ADAMTS2: variants seen among roughly 807,000 people sequenced by gnomAD.
ADAMTS2 encodes the protein A disintegrin and metalloproteinase with thrombospondin motifs 2.
In ADAMTS2, 50 loss-of-function variants were observed where a neutral mutation model predicts 123.0. The ratio of observed to expected loss-of-function variants is 0.41; its 90% confidence interval spans 0.32 to 0.51. The LOEUF (loss-of-function observed/expected upper bound fraction) is 0.51, where lower values mean the gene tolerates loss of function less well. ADAMTS2 is among the 20% of genes least tolerant of loss of function. ADAMTS2 has a pLI of 0.35. For synonymous variants in ADAMTS2, 678 were observed against 695.4 expected, an observed-to-expected ratio of 0.98 and a Z score of 0.39; for missense variants, 1,494 against 1,705.2, an observed-to-expected ratio of 0.88 and a Z score of 2.18.
chr5:179,174,820 T>C (rs4701071), intron 5 of ADAMTS2, among the ~76,000 whole-genome samples: 3 of 150,674 alleles, frequency 2.0e-5, no homozygotes, highest in Non-Finnish European at 3.0e-5. Flanking sequence ...TTGCTTGGGT[T>C]CCGCAGCTGT....
Position 179,121,744 on chromosome 5 carries a change from A to C in ADAMTS2, c.3095T>G (p.Ile1032Ser). 2 of 1,577,132 alleles carry C rather than the reference A, an allele frequency of 1.3e-6. No homozygotes were observed. Among genetic ancestry groups the C allele is most frequent in the South Asian group, 2.3e-5 (2 of 85,656 alleles). The change falls in exon 21 of 22, where the codon ATC becomes AGC. Residue 1032 changes from isoleucine to serine, a missense_variant. By Grantham distance (142) the Ile-to-Ser change is moderately radical. Transcript: ENST00000251582. The part of the protein sequence containing the change: ...TCRLGPCPRN[I>S]SDPSKKSYVV... ...GTAGCTCTTCTTGGAGGGATCTGAG[A>C]TGTTTCCTAGAGGGAGGAGAGAGGG...
At chr5:179,318,185 C>T (rs1757054913) in intron 2 of ADAMTS2, among the ~76,000 whole-genome samples, 1 of 152,234 alleles carries the variant, frequency 6.6e-6, no homozygotes, top group Admixed American at 6.5e-5. Flanking sequence ...CTGAGACACT[C>T]CCAGCAGAAA....
chr5:179,184,204 C>G (rs1764113007), intron 4 of ADAMTS2, among the ~76,000 whole-genome samples: 1 of 152,072 alleles, frequency 6.6e-6, no homozygotes, highest in Non-Finnish European at 1.5e-5. Context: ...GAGGGCAGCA[C>G]CAGATATAGG....
intron 5 of ADAMTS2, among the ~76,000 whole-genome samples, chr5:179,168,422 C>T (rs372997470): frequency 1.6e-4 from 25 of 152,296 alleles, no homozygotes; most frequent in East Asian, 7.7e-4. Flanking sequence ...CGTGTGGCCC[C>T]GGGCAGGCCG....
chr5:179,288,732 C>G (rs60264507), intron 2 of ADAMTS2, among the ~76,000 whole-genome samples: 1 of 152,362 alleles, frequency 6.6e-6, no homozygotes, highest in African/African-American at 2.4e-5. Context: ...CAGGCTCAGG[C>G]GCACCTGCCC....
chr5:179,327,880 G>A (rs902968345), intron 2 of ADAMTS2, among the ~76,000 whole-genome samples: 21 of 152,142 alleles, frequency 1.4e-4, no homozygotes, highest in African/African-American at 4.3e-4. Context: ...AACTGCACAC[G>A]TAGAGAATCC....
chr5:179,194,480 G>A (rs981593216), intron 4 of ADAMTS2, among the ~76,000 whole-genome samples: 2 of 152,236 alleles, frequency 1.3e-5, no homozygotes, highest in African/African-American at 4.8e-5. Flanking sequence ...CCAAGGCAAA[G>A]CAAGAGGCAG....
At chr5:179,119,530 G>A (rs888761) in intron 21 of ADAMTS2, among the ~76,000 whole-genome samples, 1 of 152,214 alleles carries the variant, frequency 6.6e-6, no homozygotes, top group African/African-American at 2.4e-5. Flanking sequence ...GCCATTTTCA[G>A]CAATGTGAGA....
Position 179,138,710 on chromosome 5 carries a change from C to T in ADAMTS2, c.1776-766G>A, listed in dbSNP as rs992108483. ...GGACAGCAGGGGTAGGAGAGGGATC[C>T]ATGCACGAGCGTGTTCACACGTGCT... On this transcript the variant is annotated intron_variant, in intron 11 of 21. Coordinates refer to ENST00000251582, the MANE Select transcript of ADAMTS2 (RefSeq NM_014244.5). 2.0e-5 allele frequency among the ~76,000 whole-genome samples: 3 copies of T among 152,156 alleles called. No homozygotes were observed. The South Asian group carries it at 6.2e-4, about 31-fold the overall frequency.
chr5:179,324,015 T>C (rs995996366), intron 2 of ADAMTS2, among the ~76,000 whole-genome samples: 4 of 152,212 alleles, frequency 2.6e-5, no homozygotes, highest in African/African-American at 9.6e-5. Context: ...CTTGAAAACA[T>C]TATGCTGAGT....
chr5:179,156,049 A>G (rs1352278730), intron 6 of ADAMTS2, among the ~76,000 whole-genome samples: 1 of 152,124 alleles, frequency 6.6e-6, no homozygotes, highest in East Asian at 1.9e-4. Context: ...TGTGTGCCTG[A>G]GTGGAACGTT....
chr5:179,271,157 G>C (rs977365272), intron 3 of ADAMTS2, among the ~76,000 whole-genome samples: 2 of 152,200 alleles, frequency 1.3e-5, no homozygotes, highest in Non-Finnish European at 2.9e-5. Flanking sequence ...TTGGGGGTGG[G>C]GGTGGAGGGA....
intron 1 of ADAMTS2, 35 bp from the exon 2 acceptor site, chr5:179,344,196 C>A (rs1018851807): frequency 1.3e-6 from 2 of 1,549,854 alleles, no homozygotes; most frequent in Non-Finnish European, 1.7e-6. Context: ...CGGCGGAGAC[C>A]ACGGAGCCCC....
At chr5:179,341,984 C>T (rs1648451976) in intron 2 of ADAMTS2, among the ~76,000 whole-genome samples, 1 of 152,196 alleles carries the variant, frequency 6.6e-6, no homozygotes, top group Non-Finnish European at 1.5e-5. Flanking sequence ...CTTCCAGCCC[C>T]CATTCAAACA....
chr5:179,156,075 C>A (rs990740272), intron 6 of ADAMTS2, among the ~76,000 whole-genome samples: 4 of 152,184 alleles, frequency 2.6e-5, no homozygotes, highest in Non-Finnish European at 5.9e-5. Context: ...CTCCTCTTTG[C>A]CCTTTGTATG....
intron 3 of ADAMTS2, among the ~76,000 whole-genome samples, chr5:179,213,277 C>T (rs1581195003): frequency 6.6e-6 from 1 of 152,240 alleles, no homozygotes; most frequent in Non-Finnish European, 1.5e-5. Context: ...CAGCCCTCCC[C>T]TGATTTCTCC....
intron 2 of ADAMTS2, among the ~76,000 whole-genome samples, chr5:179,318,625 C>T (rs1345007973): frequency 6.6e-6 from 1 of 152,232 alleles, no homozygotes; most frequent in African/African-American, 2.4e-5. Context: ...GGCCACTGTC[C>T]AGTGGCTGGC....
At chr5:179,326,946 G>A (rs1043122889) in intron 2 of ADAMTS2, among the ~76,000 whole-genome samples, 1 of 152,116 alleles carries the variant, frequency 6.6e-6, no homozygotes, top group Non-Finnish European at 1.5e-5. Flanking sequence ...CAAAATAAGA[G>A]AAACTCTCAG....
chr5:179,139,243 C>A (rs1763119208), intron 11 of ADAMTS2, among the ~76,000 whole-genome samples: 1 of 151,866 alleles, frequency 6.6e-6, no homozygotes, highest in South Asian at 2.1e-4. Context: ...AGGAGACAGG[C>A]AGTGGAGGAG....
Sources: allele counts gnomAD v4.1 joint callset (sites outside exome capture counted in the v4.1 genomes callset), GRCh38; gene constraint gnomAD v4.1.1; transcripts MANE v1.5; gene names NCBI Gene and HGNC (gene_info 2026-07-23, HGNC 2026-07-21).